RPA1: variants seen among roughly 807,000 people sequenced by gnomAD.
RPA1 encodes the protein replication protein A 70 kDa DNA-binding subunit.
Under a neutral mutation model 83.0 loss-of-function variants are expected in RPA1, and 49 were observed. That is an observed-to-expected ratio of 0.59 (90% CI 0.47 to 0.75). The LOEUF is 0.75. Among genes scored for constraint, RPA1 ranks in the 30% least tolerant of loss-of-function variants. The pLI is 0.00. For synonymous variants in RPA1, 279 were observed against 281.8 expected (o/e 0.99, Z 0.10); for missense variants, 693 against 776.1 (o/e 0.89, Z 1.27).
intron 5 of RPA1, among the ~76,000 whole-genome samples, chr17:1,867,487 G>A (rs995599452): frequency 4.6e-5 from 7 of 150,862 alleles, no homozygotes; most frequent in Non-Finnish European, 1.0e-4. Flanking sequence ...CAGGAGGATC[G>A]CTGGAGACCA....
intron 5 of RPA1, among the ~76,000 whole-genome samples, chr17:1,868,551 AT>A (rs1199944717): frequency 2.0e-5 from 3 of 152,140 alleles, no homozygotes; most frequent in African/African-American, 7.2e-5. Flanking sequence ...CGGGTGGATC[AT>A]TTGAGATCAG....
intron 12 of RPA1, among the ~76,000 whole-genome samples, chr17:1,882,839 C>T (rs8077346): frequency 0.36 from 54,936 of 152,066 alleles, 12,173 homozygotes; most frequent in Non-Finnish European, 0.52. Context: ...CTACCCCAGA[C>T]GGCCACTTTA....
At chr17:1,841,873 AT>A (rs1567802069) in intron 1 of RPA1, among the ~76,000 whole-genome samples, 1 of 151,886 alleles carries the variant, frequency 6.6e-6, no homozygotes, top group East Asian at 1.9e-4. Flanking sequence ...GTTGATGATG[AT>A]TTTTCTCTAT....
At chr17:1,877,398 G>C (rs947713491) in intron 8 of RPA1, 84 bp downstream of exon 8, 1 of 1,208,980 alleles carries the variant, frequency 8.3e-7, no homozygotes, top group Non-Finnish European at 1.2e-6. Context: ...CAGTGGGCTC[G>C]CTGGGAAACA....
At chr17:1,893,153 A>C (rs1914261909) in intron 15 of RPA1, among the ~76,000 whole-genome samples, 1 of 152,256 alleles carries the variant, frequency 6.6e-6, no homozygotes, top group Admixed American at 6.5e-5. Context: ...CTGTTACAGA[A>C]ATAACTAGAA....
chr17:1,867,187 T>C (rs1409886479), intron 5 of RPA1, among the ~76,000 whole-genome samples: 1 of 152,030 alleles, frequency 6.6e-6, no homozygotes, highest in Non-Finnish European at 1.5e-5. Flanking sequence ...TTTGTTAAAA[T>C]GAGCGAATTT....
chr17:1,884,708 G>A lies in RPA1; in HGVS notation c.1374+764G>A, dbSNP rs1398045532. Among the ~76,000 whole-genome samples the A allele has an allele frequency of 2.0e-5, 3 of 152,178 alleles. No individual in the cohort carries two copies. Among genetic ancestry groups the A allele is most frequent in the African/African-American group, 7.2e-5 (3 of 41,442 alleles). The stretch of plus-strand genomic sequence containing the variant: ...CATCTCAAGAATTAAACACTGGACA[G>A]ATCCTCGTTGTCCTGTCATGGGACA... On this transcript the variant is annotated intron_variant, in intron 13 of 16. Coordinates refer to ENST00000254719, the MANE Select transcript of RPA1 (RefSeq NM_002945.5). The surrounding 1 kb of genome is among the most constrained non-coding windows in gnomAD (Gnocchi z 4.1).
intron 1 of RPA1, among the ~76,000 whole-genome samples, chr17:1,834,363 T>C (rs1166849034): frequency 6.6e-6 from 1 of 152,186 alleles, no homozygotes; most frequent in East Asian, 1.9e-4. Flanking sequence ...GGCCATGTTT[T>C]TATATTCAAA....
At chr17:1,845,752 G>A (rs939221629) in intron 4 of RPA1, among the ~76,000 whole-genome samples, 1 of 152,080 alleles carries the variant, frequency 6.6e-6, no homozygotes, top group African/African-American at 2.4e-5. Context: ...ACAATATGGT[G>A]AGACCTTGTC....
intron 15 of RPA1, among the ~76,000 whole-genome samples, chr17:1,894,573 G>A (rs1406437724): frequency 6.6e-6 from 1 of 152,134 alleles, no homozygotes; most frequent in African/African-American, 2.4e-5. Flanking sequence ...CAGTTTAGTG[G>A]CGTTAGGTAC....
intron 12 of RPA1, 133 bp downstream of exon 12, chr17:1,880,824 AG>A: frequency 8.1e-7 from 1 of 1,235,528 alleles, no homozygotes; most frequent in Non-Finnish European, 1.1e-6. Context: ...TGTTTCTTGA[AG>A]GCATTATGCC....
At position 1,879,351 on chromosome 17, in the gene RPA1, A is replaced by T. The variant is rs770360768; in HGVS notation, c.896A>T (p.Gln299Leu). The change falls in exon 10 of 17, where the codon CAG (glutamine) becomes CTG (leucine). Residue 299 changes from glutamine (Q) to leucine (L), a missense_variant. By Grantham distance (113) the Gln-to-Leu change is moderately radical. Transcript: ENST00000254719. Reference sequence around the variant, plus strand: ...GACGACCATCATTTACCTACGGTTCAGTTTGATTTCACGGGGATTGATGAC... The same window carrying T: ...GACGACCATCATTTACCTACGGTTCTGTTTGATTTCACGGGGATTGATGAC... ...CEDDHHLPTV[Q>L]FDFTGIDDLE... 6.2e-7 allele frequency: 1 copy of T among 1,614,174 alleles called. No homozygotes were observed. Among genetic ancestry groups the T allele is most frequent in the Non-Finnish European group, 8.5e-7 (1 of 1,180,032 alleles).
At chr17:1,830,230 G>A (rs1299164044) in intron 1 of RPA1, 104 bp downstream of exon 1, 2 of 879,264 alleles carry the variant, frequency 2.3e-6, no homozygotes, top group Non-Finnish European at 3.0e-6. Flanking sequence ...GGGGATGAAC[G>A]CGAGGGGAGG....
chr17:1,855,980 A>G (rs1330759851), intron 5 of RPA1, among the ~76,000 whole-genome samples: 1 of 152,198 alleles, frequency 6.6e-6, no homozygotes, highest in Non-Finnish European at 1.5e-5. Flanking sequence ...CTATAGAAAT[A>G]TAAATATTCT....
At chr17:1,879,099 G>A in intron 9 of RPA1, 38 bp downstream of exon 9, 1 of 1,613,092 alleles carries the variant, frequency 6.2e-7, no homozygotes, top group Non-Finnish European at 8.5e-7. Context: ...CACCGCCTGG[G>A]GGTGGAGTGC....
intron 2 of RPA1, 33 bp downstream of exon 2, chr17:1,842,886 A>G (rs1177847434): frequency 3.1e-6 from 5 of 1,606,828 alleles, no homozygotes; most frequent in Admixed American, 3.3e-5. Flanking sequence ...TTCCATGTCA[A>G]CTTCTTTGGA....
rs180763781 is a variant in RPA1, at chr17:1,893,779, C to G, written c.1660-1230C>G. Among the ~76,000 whole-genome samples the G allele has an allele frequency of 5.3e-5, 8 of 152,084 alleles. No individual in the cohort carries two copies. In the East Asian group the frequency reaches 1.5e-3, roughly 29 times the overall value. On this transcript the variant is annotated intron_variant, in intron 15 of 16. Transcript: ENST00000254719. ...CCTTTGCGCACCTCAACAGTCTTCTCTGCTTGCACACCAAATCAGTAGCTA... is the reference window on the plus strand; with the variant it reads ...CCTTTGCGCACCTCAACAGTCTTCTGTGCTTGCACACCAAATCAGTAGCTA...
chr17:1,881,327 C>T (rs1309691642), intron 12 of RPA1, among the ~76,000 whole-genome samples: 1 of 152,112 alleles, frequency 6.6e-6, no homozygotes, highest in Non-Finnish European at 1.5e-5. Context: ...TTCAATAATT[C>T]CCATAGCTGT....
intron 5 of RPA1, among the ~76,000 whole-genome samples, chr17:1,866,347 C>G (rs1267159167): frequency 6.6e-6 from 1 of 151,622 alleles, no homozygotes; most frequent in Admixed American, 6.6e-5. Flanking sequence ...GACGGAGTCT[C>G]TCTGTCACCC....
Sources: gnomAD v4.1 joint callset for allele counts (sites outside exome capture counted in the v4.1 genomes callset) on GRCh38, gnomAD v4.1.1 for gene constraint, Gnocchi (gnomAD v3.1) non-coding constraint, MANE v1.5 for transcripts, NCBI Gene and HGNC (gene_info 2026-07-23, HGNC 2026-07-21) for gene names.